ZC3H12B: variants seen among roughly 807,000 people sequenced by gnomAD.
ZC3H12B encodes probable ribonuclease ZC3H12B.
In ZC3H12B, 7 loss-of-function variants were observed where a neutral mutation model predicts 43.9. That is an observed-to-expected ratio of 0.16 (90% CI 0.09 to 0.30). The LOEUF (loss-of-function observed/expected upper bound fraction) is 0.30, where lower values mean the gene tolerates loss of function less well. Ranked by LOEUF, ZC3H12B falls within the 10% of genes least tolerant of loss-of-function variation. The pLI is 1.00. For synonymous variants in ZC3H12B, 222 were observed against 241.7 expected, an observed-to-expected ratio of 0.92 and a Z score of 0.76; for missense variants, 475 against 670.2, an observed-to-expected ratio of 0.71 and a Z score of 3.22.
chrX:65,254,441 G>T, the ZC3H12B span, among the ~76,000 whole-genome samples: 1 of 112,460 alleles, frequency 8.9e-6, no homozygotes, highest in Non-Finnish European at 1.9e-5. Flanking sequence ...CAACAGTGTT[G>T]AGCTGAGCCT....
the ZC3H12B span, among the ~76,000 whole-genome samples, chrX:65,245,191 A>T: frequency 8.9e-6 from 1 of 111,896 alleles, no homozygotes; most frequent in African/African-American, 3.2e-5. Context: ...AGACTAAACC[A>T]GGGAGAAATT....
At chrX:65,316,171 G>A in the ZC3H12B span, among the ~76,000 whole-genome samples, 1 of 111,473 alleles carries the variant, frequency 9.0e-6, no homozygotes, top group Non-Finnish European at 1.9e-5. Flanking sequence ...AAAAAAGATG[G>A]GATTATGTAA....
At chrX:65,086,250 G>A in the ZC3H12B span, among the ~76,000 whole-genome samples, 1 of 111,165 alleles carries the variant, frequency 9.0e-6, no homozygotes, top group Non-Finnish European at 1.9e-5. Context: ...GAATTCTAAA[G>A]CCAGTCCTAT....
the ZC3H12B span, among the ~76,000 whole-genome samples, chrX:65,182,400 C>T: frequency 1.8e-5 from 2 of 110,461 alleles, no homozygotes; most frequent in African/African-American, 6.6e-5. Context: ...CACATGTATC[C>T]CAGAACTTAA....
At chrX:65,098,306 A>G in the ZC3H12B span, among the ~76,000 whole-genome samples, 1 of 110,796 alleles carries the variant, frequency 9.0e-6, no homozygotes, top group Admixed American at 9.7e-5. Context: ...TCAAATAACA[A>G]TCAAGAGATA....
At chrX:65,334,533 C>A in the ZC3H12B span, among the ~76,000 whole-genome samples, 2 of 112,253 alleles carry the variant, frequency 1.8e-5, no homozygotes, top group Non-Finnish European at 3.8e-5. Context: ...AAGAGCATTA[C>A]ATTTTTTGCT....
chrX:65,118,061 A>G, the ZC3H12B span, among the ~76,000 whole-genome samples: 1 of 111,658 alleles, frequency 9.0e-6, no homozygotes, highest in Non-Finnish European at 1.9e-5. Context: ...TTTTGGTTCC[A>G]TATGAGCTTT....
At chrX:65,283,922 C>T in the ZC3H12B span, among the ~76,000 whole-genome samples, 1 of 111,151 alleles carries the variant, frequency 9.0e-6, no homozygotes, top group Non-Finnish European at 1.9e-5. Context: ...CACTGTGCTG[C>T]TGATATTTGA....
chrX:65,256,031 A>G, the ZC3H12B span, among the ~76,000 whole-genome samples: 1 of 112,460 alleles, frequency 8.9e-6, no homozygotes. Flanking sequence ...CACACAATTC[A>G]TGAAACAAGT....
the ZC3H12B span, among the ~76,000 whole-genome samples, chrX:65,065,677 A>T: frequency 9.0e-6 from 1 of 110,833 alleles, no homozygotes; most frequent in Non-Finnish European, 1.9e-5. Context: ...TCCTGAACTG[A>T]ATGTTCGCCT....
At chrX:65,199,225 A>C in the ZC3H12B span, among the ~76,000 whole-genome samples, 1 of 107,050 alleles carries the variant, frequency 9.3e-6, no homozygotes, top group Admixed American at 1.0e-4. Flanking sequence ...GACTGTCTTC[A>C]AGTTCAGTAA....
rs766662223 is a variant in ZC3H12B at position 65,396,235 on chromosome X, GT to G, written n.296-2355del. Among the ~76,000 whole-genome samples, 7 of 111,439 alleles carry G rather than the reference GT, an allele frequency of 6.3e-5. No individual in the cohort carries two copies. In the East Asian group the frequency reaches 1.4e-3, roughly 22 times the overall value. Reference sequence around the variant, plus strand: ...TTGTCTTCTGCTAGCTTTTGAATTTGTTTGCTCTTGCTTCTCTAGTTATTTT... The same window carrying G: ...TTGTCTTCTGCTAGCTTTTGAATTTGTTGCTCTTGCTTCTCTAGTTATTTT... On this transcript the variant is annotated intron_variant and non_coding_transcript_variant, in intron 2 of 5. Transcript: ENST00000617377.
At chrX:65,057,725 A>T in the ZC3H12B span, among the ~76,000 whole-genome samples, 1 of 111,979 alleles carries the variant, frequency 8.9e-6, no homozygotes, top group East Asian at 2.8e-4. Context: ...TACACCAATC[A>T]GATGTAGATT....
chrX:65,263,380 G>A, the ZC3H12B span, among the ~76,000 whole-genome samples: 5 of 110,765 alleles, frequency 4.5e-5, no homozygotes, highest in African/African-American at 1.6e-4. Flanking sequence ...GAGAAATTAC[G>A]TATTATCTGG....
At chrX:65,473,000 A>ATATATATATATATATATATATATATG (rs2067946639) in intron 3 of ZC3H12B, among the ~76,000 whole-genome samples, 20 of 78,613 alleles carry the variant, frequency 2.5e-4, no homozygotes, top group African/African-American at 1.4e-3. Flanking sequence ...ATATATATGT[A>ATATATATATATATATATATATATATG]TATATATATA....
At chrX:65,309,803 G>A in the ZC3H12B span, among the ~76,000 whole-genome samples, 77 of 111,786 alleles carry the variant, frequency 6.9e-4, no homozygotes, top group Non-Finnish European at 1.1e-3. Context: ...TATCCACCAC[G>A]ATCAACTCGA....
chrX:65,340,736 C>T, the ZC3H12B span, among the ~76,000 whole-genome samples: 11 of 112,304 alleles, frequency 9.8e-5, no homozygotes, highest in East Asian at 2.8e-4. Flanking sequence ...ATTGAAGGAA[C>T]ATCAACCCAC....
At chrX:65,304,118 CA>C in the ZC3H12B span, among the ~76,000 whole-genome samples, 1 of 112,093 alleles carries the variant, frequency 8.9e-6, no homozygotes, top group East Asian at 2.8e-4. Context: ...ATAGGACTTA[CA>C]ATGTCATCAA....
At chrX:65,253,454 G>A in the ZC3H12B span, among the ~76,000 whole-genome samples, 54 of 112,495 alleles carry the variant, frequency 4.8e-4, no homozygotes, top group South Asian at 7.0e-3. Flanking sequence ...TCCAGCTGGC[G>A]CAGAGACCAG....
Sources: allele counts gnomAD v4.1 joint callset (sites outside exome capture counted in the v4.1 genomes callset), GRCh38; gene constraint gnomAD v4.1.1; transcripts MANE v1.5; gene names NCBI Gene and HGNC (gene_info 2026-07-23, HGNC 2026-07-21).